The following GLI3 variants were observed in gnomAD, a reference collection of about 807,000 sequenced individuals.
GLI3 encodes the protein GLI family zinc finger 3.
Under a neutral mutation model 100.8 loss-of-function variants are expected in GLI3, and 20 were observed. The observed-to-expected ratio is 0.20, with a 90% CI of 0.14 to 0.29. The LOEUF is 0.29. Ranked by LOEUF, GLI3 falls within the 10% of genes least tolerant of loss-of-function variation. The pLI, the probability that GLI3 is intolerant of heterozygous loss-of-function variation, is 1.00. For missense variants in GLI3, 2,040 were observed against 2,128.5 expected (o/e 0.96, Z 0.82); for synonymous variants, 938 against 860.5 (o/e 1.09, Z -1.58).
chr7:42,097,452 C>T (rs553633640), intron 3 of GLI3, among the ~76,000 whole-genome samples: 6 of 152,254 alleles, frequency 3.9e-5, no homozygotes, highest in South Asian at 4.1e-4. Context: ...TGGTTAAGCA[C>T]GAGGGGAGAT....
chr7:42,257,239 A>C (rs1203520440), intron 1 of GLI3, among the ~76,000 whole-genome samples: 1 of 151,978 alleles, frequency 6.6e-6, no homozygotes, highest in African/African-American at 2.4e-5. Context: ...GATACCACTA[A>C]ATTTTTTTTC....
chr7:42,032,273 A>G (rs1789316971), intron 7 of GLI3, among the ~76,000 whole-genome samples: 1 of 152,234 alleles, frequency 6.6e-6, no homozygotes. Flanking sequence ...AGAAAGTTAC[A>G]TATAATTTAT....
intron 1 of GLI3, among the ~76,000 whole-genome samples, chr7:42,232,525 C>T (rs547769967): frequency 2.4e-4 from 36 of 152,254 alleles, no homozygotes; most frequent in Non-Finnish European, 4.8e-4. Context: ...TGAACACTAA[C>T]AGAAACCATG....
intron 2 of GLI3, among the ~76,000 whole-genome samples, chr7:42,182,486 A>C (rs927985371): frequency 1.3e-5 from 2 of 151,000 alleles, no homozygotes; most frequent in African/African-American, 4.9e-5. Flanking sequence ...CTCTTTACCC[A>C]AAGAGCCGAA....
intron 1 of GLI3, among the ~76,000 whole-genome samples, chr7:42,255,149 T>A (rs1789072978): frequency 6.6e-6 from 1 of 151,992 alleles, no homozygotes; most frequent in Non-Finnish European, 1.5e-5. Flanking sequence ...CCACTTTCTA[T>A]CTTCCCTTCA....
chr7:42,198,625 C>A (rs1583640769), intron 2 of GLI3, among the ~76,000 whole-genome samples: 1 of 152,154 alleles, frequency 6.6e-6, no homozygotes, highest in Admixed American at 6.5e-5. Flanking sequence ...GCCTTCTAGG[C>A]AAATGGCTGT....
intron 1 of GLI3, among the ~76,000 whole-genome samples, chr7:42,251,572 G>A (rs1789032903): frequency 6.6e-6 from 1 of 152,134 alleles, no homozygotes; most frequent in Non-Finnish European, 1.5e-5. Flanking sequence ...CTAGGCTAAG[G>A]GAAGGATAAG....
upstream of GLI3, among the ~76,000 whole-genome samples, chr7:42,239,604 AAAT>A (rs556062606): frequency 9.8e-5 from 15 of 152,340 alleles, no homozygotes; most frequent in South Asian, 2.9e-3. Flanking sequence ...ATAAATCATC[AAAT>A]AATAGAATAA....
intron 1 of GLI3, among the ~76,000 whole-genome samples, chr7:42,251,179 G>A (rs939930840): frequency 2.6e-5 from 4 of 152,172 alleles, no homozygotes; most frequent in Admixed American, 6.5e-5. Context: ...TGGTCCAGCC[G>A]CCCCCAACCT....
At chr7:42,042,660 C>A (rs898888998) in intron 6 of GLI3, among the ~76,000 whole-genome samples, 11 of 152,136 alleles carry the variant, frequency 7.2e-5, no homozygotes, top group African/African-American at 2.4e-4. Context: ...GCTCTCAAAC[C>A]CTAGGAGCCT....
chr7:41,993,110 A>C (rs1414115558), intron 10 of GLI3, among the ~76,000 whole-genome samples: 1 of 152,130 alleles, frequency 6.6e-6, no homozygotes, highest in Non-Finnish European at 1.5e-5. Context: ...ATGAGTGGTC[A>C]CCAGAAGTCA....
At chr7:42,074,266 C>T (rs547051809) in intron 4 of GLI3, among the ~76,000 whole-genome samples, 3 of 152,314 alleles carry the variant, frequency 2.0e-5, no homozygotes, top group East Asian at 3.9e-4. Context: ...CCAACACATG[C>T]AAAGGTCAGT....
chr7:42,263,465 A>C (rs991869987), intron 1 of GLI3, among the ~76,000 whole-genome samples: 1 of 141,344 alleles, frequency 7.1e-6, no homozygotes, highest in East Asian at 2.1e-4. Context: ...TTTTTTTTTG[A>C]AAAGGGGGTC....
chr7:41,980,545 T>C (rs1470147485), intron 10 of GLI3, among the ~76,000 whole-genome samples: 3 of 151,780 alleles, frequency 2.0e-5, no homozygotes, highest in African/African-American at 7.3e-5. Context: ...TTCCAAGTCA[T>C]TGGAAATAAA....
At chr7:42,023,651 G>A in intron 9 of GLI3, 43 bp from the exon 10 acceptor site, 3 of 1,575,758 alleles carry the variant, frequency 1.9e-6, no homozygotes, top group Non-Finnish European at 2.6e-6. Flanking sequence ...GAAGGGGGAA[G>A]AATCAGACAC....
At chr7:42,130,225 C>A (rs746051590) in intron 3 of GLI3, among the ~76,000 whole-genome samples, 5 of 152,122 alleles carry the variant, frequency 3.3e-5, no homozygotes, top group Non-Finnish European at 5.9e-5. Context: ...AACTGATACA[C>A]GTGGTCAGGA....
chr7:42,164,319 G>A (rs185697611), intron 2 of GLI3, among the ~76,000 whole-genome samples: 7 of 152,004 alleles, frequency 4.6e-5, no homozygotes, highest in East Asian at 3.9e-4. Context: ...CCAGGAATTC[G>A]AGAACAACTG....
chr7:41,988,104 G>C (rs575743061), intron 10 of GLI3, among the ~76,000 whole-genome samples: 1 of 152,258 alleles, frequency 6.6e-6, no homozygotes, highest in Non-Finnish European at 1.5e-5. Flanking sequence ...CCCTGCTATG[G>C]TCTGAATGTG....
chr7:42,151,188 C>G (rs373237494), intron 2 of GLI3: 20 of 152,062 alleles, frequency 1.3e-4, no homozygotes, highest in African/African-American at 4.8e-4. Context: ...CACACCTCCC[C>G]GCTCCAAAAG....
Sources: allele counts gnomAD v4.1 joint callset (sites outside exome capture counted in the v4.1 genomes callset), GRCh38; gene constraint gnomAD v4.1.1; transcripts MANE v1.5; gene names NCBI Gene and HGNC (gene_info 2026-07-23, HGNC 2026-07-21).